The following SLA variants were observed in gnomAD, a reference collection of about 807,000 sequenced individuals.
The protein encoded by SLA is Src like adaptor, also known as src-like-adapter.
Under a neutral mutation model 30.3 loss-of-function variants are expected in SLA, and 16 were observed. The observed-to-expected ratio is 0.53, with a 90% CI of 0.36 to 0.80. The LOEUF (loss-of-function observed/expected upper bound fraction) is 0.80, where lower values mean the gene tolerates loss of function less well. Among genes scored for constraint, SLA ranks in the 30% least tolerant of loss-of-function variants. SLA has a pLI of 0.01. For synonymous variants in SLA, 143 were observed against 137.8 expected, an observed-to-expected ratio of 1.04 and a Z score of -0.26; for missense variants, 310 against 345.2, an observed-to-expected ratio of 0.90 and a Z score of 0.81.
chr8:133,057,854 C>G (rs1185775369), intron 3 of SLA, among the ~76,000 whole-genome samples: 1 of 151,762 alleles, frequency 6.6e-6, no homozygotes, highest in African/African-American at 2.4e-5. Flanking sequence ...GAAGAATGAT[C>G]TCCCAAAAGC....
chr8:133,100,061 T>A (rs2131676867), intron 1 of SLA, among the ~76,000 whole-genome samples: 1 of 152,342 alleles, frequency 6.6e-6, no homozygotes, highest in Middle Eastern at 3.4e-3. Context: ...AGAGCCTATT[T>A]GATGTGACCT....
At chr8:133,094,742 C>G in intron 1 of SLA, 2 of 452,294 alleles carry the variant, frequency 4.4e-6, no homozygotes, top group East Asian at 9.2e-5. Flanking sequence ...AAAGAACCAT[C>G]AGCCCTTTGC....
intron 1 of SLA, among the ~76,000 whole-genome samples, chr8:133,077,309 G>A (rs1845042823): frequency 6.6e-6 from 1 of 152,176 alleles, no homozygotes; most frequent in African/African-American, 2.4e-5. Context: ...CCCGTTCACA[G>A]GAGAAGCTAC....
intron 8 of SLA, among the ~76,000 whole-genome samples, chr8:133,039,413 G>T (rs545846235): frequency 6.6e-6 from 1 of 152,070 alleles, no homozygotes; most frequent in African/African-American, 2.4e-5. Flanking sequence ...TTCATGTCTC[G>T]CATAATTTTG....
At chr8:133,045,208 C>T (rs1250353224) in intron 6 of SLA, 93 bp from the exon 7 acceptor site, 1 of 1,358,194 alleles carries the variant, frequency 7.4e-7, no homozygotes, top group African/African-American at 1.4e-5. Flanking sequence ...GCAGGGAGAC[C>T]TGCCCACCCT....
chr8:133,096,924 A>G (rs1848504758), intron 1 of SLA, among the ~76,000 whole-genome samples: 1 of 152,204 alleles, frequency 6.6e-6, no homozygotes, highest in African/African-American at 2.4e-5. Context: ...GTCTGCTTGA[A>G]TGCACAGTTC....
At chr8:133,052,479 C>T (rs967231149) in intron 3 of SLA, among the ~76,000 whole-genome samples, 2 of 152,102 alleles carry the variant, frequency 1.3e-5, no homozygotes, top group Non-Finnish European at 2.9e-5. Context: ...AAAGGGCTGG[C>T]CCAGCCAGAC....
intron 1 of SLA, among the ~76,000 whole-genome samples, chr8:133,089,830 C>T (rs961053906): frequency 3.3e-5 from 5 of 152,180 alleles, no homozygotes; most frequent in South Asian, 4.1e-4. Context: ...CACTCCCCCT[C>T]GGAATGGTCA....
intron 3 of SLA, among the ~76,000 whole-genome samples, chr8:133,057,801 G>A (rs896135407): frequency 2.0e-5 from 3 of 151,598 alleles, no homozygotes; most frequent in Non-Finnish European, 2.9e-5. Context: ...AAAAACAGAT[G>A]GGTAAAGCCA....
At chr8:133,046,752 CTTTCTGTACCCCAGCATA>C (rs148988749) in intron 6 of SLA, among the ~76,000 whole-genome samples, 3,678 of 152,310 alleles carry the variant, frequency 0.024, 145 homozygotes, top group African/African-American at 0.084. Context: ...TTGCATTGAT[CTTTCTGTACCCCAGCATA>C]TTTGGGTTTT....
In SLA at chr8:133,037,514, G is replaced by A. The variant is rs999452341; in HGVS notation, c.*1010C>T. Reference sequence around the variant, plus strand: ...GCAGCTGGAAAATGAGCTCCTGAGTGTCCCTCACCTGTCTCTAATTCCATC... The same window carrying A: ...GCAGCTGGAAAATGAGCTCCTGAGTATCCCTCACCTGTCTCTAATTCCATC... On this transcript the variant is annotated 3_prime_UTR_variant, in exon 9 of 9. Transcript: ENST00000338087. The A allele has an allele frequency of 3.3e-5, 5 of 152,252 alleles. No individual in the cohort carries two copies. The highest frequency in any genetic ancestry group is 7.2e-5 in the African/African-American group (3 of 41,546). The allele number at this position is 152,252 out of a possible 1,614,324, so 9.4% of individuals were successfully genotyped here. A position where few individuals can be genotyped will look rare whatever the true frequency, so the allele number is the denominator to read the frequency against.
chr8:133,072,776 T>A (rs1161962134), intron 2 of SLA: 1 of 152,200 alleles, frequency 6.6e-6, no homozygotes, highest in Non-Finnish European at 1.5e-5. Context: ...CTTCTGAAAG[T>A]GACTTAGGAA....
At chr8:133,043,812 A>C (rs1838777743) in intron 7 of SLA, among the ~76,000 whole-genome samples, 1 of 152,236 alleles carries the variant, frequency 6.6e-6, no homozygotes, top group Non-Finnish European at 1.5e-5. Flanking sequence ...GAATGCCAAC[A>C]AAGTTGCCCC....
chr8:133,040,484 A>C (rs1286807789), intron 7 of SLA: 5 of 271,042 alleles, frequency 1.8e-5, no homozygotes, highest in African/African-American at 4.3e-5. Flanking sequence ...GAAAGAAATG[A>C]AGCAACAAGT....
chr8:133,066,182 C>A (rs150252764), intron 2 of SLA, among the ~76,000 whole-genome samples: 19 of 152,034 alleles, frequency 1.2e-4, no homozygotes, highest in African/African-American at 4.6e-4. Flanking sequence ...ATAAATTAGC[C>A]GGGCGTGGTG....
intron 5 of SLA, chr8:133,049,161 C>T (rs1587880403): frequency 2.2e-6 from 1 of 456,522 alleles, no homozygotes; most frequent in Middle Eastern, 3.3e-4. Flanking sequence ...ACCCAGGAGG[C>T]TGCAGAGGCC....
chr8:133,045,691 G>A (rs553952605), intron 6 of SLA, among the ~76,000 whole-genome samples: 1 of 152,216 alleles, frequency 6.6e-6, no homozygotes, highest in Non-Finnish European at 1.5e-5. Flanking sequence ...TACCATGCCG[G>A]GCCTCATCCT....
intron 5 of SLA, chr8:133,049,617 A>G (rs1840048834): frequency 4.7e-6 from 2 of 421,544 alleles, no homozygotes; most frequent in African/African-American, 4.0e-5. Context: ...GTGCCCTCCC[A>G]TAACATTTCC....
At chr8:133,094,747 C>G in intron 1 of SLA, 1 of 465,584 alleles carries the variant, frequency 2.1e-6, no homozygotes. Flanking sequence ...ACCATCAGCC[C>G]TTTGCCTCTA....
Sources: allele counts gnomAD v4.1 joint callset (sites outside exome capture counted in the v4.1 genomes callset), GRCh38; gene constraint gnomAD v4.1.1; transcripts MANE v1.5; gene names NCBI Gene and HGNC (gene_info 2026-07-23, HGNC 2026-07-21).